Variants in UBXN2A observed in about 807,000 individuals in gnomAD.
UBXN2A encodes UBX domain protein 2A, also known as UBX domain-containing protein 2A.
In UBXN2A, 28 loss-of-function variants were observed where a neutral mutation model predicts 28.4. The ratio of observed to expected loss-of-function variants is 0.99; its 90% CI spans 0.73 to 1.35. The LOEUF (loss-of-function observed/expected upper bound fraction) is 1.35, where lower values mean the gene tolerates loss of function less well. Ranked by LOEUF, UBXN2A falls within the 40% of genes most tolerant of loss-of-function variation. The probability of loss-of-function intolerance (pLI) is 0.00; values close to 1 mark genes in which losing one functional copy is unlikely to be tolerated. For missense variants in UBXN2A, 253 were observed against 297.9 expected (o/e 0.85, Z 1.11); for synonymous variants, 97 against 103.6 (o/e 0.94, Z 0.39).
intron 6 of UBXN2A, among the ~76,000 whole-genome samples, chr2:23,989,105 C>T (rs765676862): frequency 2.6e-5 from 4 of 151,986 alleles, no homozygotes; most frequent in Non-Finnish European, 5.9e-5. Context: ...TGTTTGTGTG[C>T]ACACGCACAC....
chr2:23,948,254 C>CTTTTTT (rs60805838), intron 1 of UBXN2A, among the ~76,000 whole-genome samples: 77 of 129,128 alleles, frequency 6.0e-4, no homozygotes, highest in East Asian at 1.4e-3. Flanking sequence ...TTTTCTTTTT[C>CTTTTTT]TTTTTTTTTT....
chr2:23,932,831 C>T (rs922970310), intron 1 of UBXN2A, among the ~76,000 whole-genome samples: 1 of 152,144 alleles, frequency 6.6e-6, no homozygotes, highest in South Asian at 2.1e-4. Flanking sequence ...GACAACCAGG[C>T]GCGGTGGCTC....
At chr2:23,933,104 CAAAA>C (rs1312223062) in intron 1 of UBXN2A, among the ~76,000 whole-genome samples, 8 of 149,606 alleles carry the variant, frequency 5.3e-5, no homozygotes, top group African/African-American at 2.0e-4. Flanking sequence ...GACTCCATCT[CAAAA>C]AAATAAAATT....
intron 1 of UBXN2A, among the ~76,000 whole-genome samples, chr2:23,945,902 C>A (rs1706053886): frequency 6.6e-6 from 1 of 151,204 alleles, no homozygotes; most frequent in African/African-American, 2.4e-5. Context: ...ATGATCTCAG[C>A]TCACTGCAAC....
At chr2:23,953,613 C>T (rs1056473075) in intron 1 of UBXN2A, among the ~76,000 whole-genome samples, 2 of 151,990 alleles carry the variant, frequency 1.3e-5, no homozygotes, top group Non-Finnish European at 2.9e-5. Context: ...AAATCAAAAT[C>T]GAAATATGGT....
In UBXN2A at chr2:23,977,063, C is replaced by T; in HGVS notation, c.275C>T (p.Ser92Phe). Residue 92 changes from serine to phenylalanine, a missense_variant, in exon 4 of 7, where the codon TCC (serine) becomes TTC (phenylalanine). Coordinates refer to ENST00000309033, the MANE Select transcript of UBXN2A (RefSeq NM_181713.4). The part of the protein sequence containing the change: ...SDGASQQFLN[S>F]IKKGELPSEL... ...GGTGCCAGTCAGCAGTTTTTGAACT[C>T]CATCAAAAAGGGGTGAGTAGCCAGG... 1 of 1,611,534 alleles carries T rather than the reference C, an allele frequency of 6.2e-7. No individual in the cohort carries two copies. The highest frequency in any genetic ancestry group is 1.1e-5 in the South Asian group (1 of 90,902).
At chr2:23,984,943 C>A in intron 6 of UBXN2A, 112 bp downstream of exon 6, 1 of 1,228,442 alleles carries the variant, frequency 8.1e-7, no homozygotes, top group Non-Finnish European at 1.1e-6. Flanking sequence ...TCTTTGTTGC[C>A]CAGGCCAGAG....
chr2:23,961,127 C>T (rs1706884322), intron 2 of UBXN2A, among the ~76,000 whole-genome samples: 1 of 150,884 alleles, frequency 6.6e-6, no homozygotes, highest in African/African-American at 2.4e-5. Context: ...CGGAGTTTTG[C>T]TCTTGTCACC....
At chr2:23,987,114 G>C (rs574272706) in intron 6 of UBXN2A, among the ~76,000 whole-genome samples, 2 of 151,726 alleles carry the variant, frequency 1.3e-5, no homozygotes, top group South Asian at 4.2e-4. Context: ...AAAAAAGTTT[G>C]TTTTGTTTTA....
intron 6 of UBXN2A, among the ~76,000 whole-genome samples, chr2:23,987,775 C>A (rs1213424986): frequency 4.8e-5 from 3 of 62,308 alleles, no homozygotes; most frequent in South Asian, 7.7e-4. Context: ...GAGACTCCAT[C>A]TCAAAAAAAA....
chr2:23,992,274 T>G (rs1387823398), intron 6 of UBXN2A, among the ~76,000 whole-genome samples: 1 of 151,934 alleles, frequency 6.6e-6, no homozygotes, highest in Non-Finnish European at 1.5e-5. Flanking sequence ...CCAGCCTAAT[T>G]TTGGTATTTT....
intron 3 of UBXN2A, among the ~76,000 whole-genome samples, chr2:23,973,461 C>T (rs1399675265): frequency 6.6e-6 from 1 of 151,846 alleles, no homozygotes; most frequent in Non-Finnish European, 1.5e-5. Context: ...GCCTCAGCCT[C>T]CCGAGTAGCC....
In UBXN2A at chr2:24,001,927, C is replaced by G. The variant is rs1186175621; in HGVS notation, c.*2060C>G. The G allele has an allele frequency of 6.6e-6, 1 of 151,444 alleles. No individual in the cohort carries two copies. Among genetic ancestry groups the G allele is most frequent in the Non-Finnish European group, 1.5e-5 (1 of 67,898 alleles). The allele number at this position is 151,444 out of a possible 1,614,324, so 9.4% of individuals were successfully genotyped here. A position where few individuals can be genotyped will look rare whatever the true frequency, so the allele number is the denominator to read the frequency against. ...AGTGAGCCGAGATTGCGCCCCTGCA[C>G]TCCAGCCTGGTGACGGAGCGAGACT... is the stretch of plus-strand genomic sequence containing the variant. On this transcript the variant is annotated 3_prime_UTR_variant, in exon 7 of 7. Coordinates refer to ENST00000309033, the MANE Select transcript of UBXN2A (RefSeq NM_181713.4).
intron 1 of UBXN2A, among the ~76,000 whole-genome samples, chr2:23,948,602 G>A (rs1427626506): frequency 6.6e-6 from 1 of 152,154 alleles, no homozygotes; most frequent in Admixed American, 6.6e-5. Flanking sequence ...AGAAAAAGGA[G>A]TATAACACTG....
intron 1 of UBXN2A, among the ~76,000 whole-genome samples, chr2:23,952,591 C>T (rs1395946344): frequency 2.0e-5 from 3 of 152,040 alleles, no homozygotes; most frequent in East Asian, 1.9e-4. Context: ...ATTACAGGTG[C>T]GTGCTACCAC....
chr2:23,964,551 A>G (rs1415978337), intron 2 of UBXN2A, among the ~76,000 whole-genome samples: 1 of 152,198 alleles, frequency 6.6e-6, no homozygotes, highest in Non-Finnish European at 1.5e-5. Context: ...GTATGCAACA[A>G]CATAGATGAA....
In UBXN2A at chr2:24,002,350, A is replaced by G. The variant is rs890415360; in HGVS notation, c.*2483A>G. The G allele has an allele frequency of 6.6e-5, 10 of 152,202 alleles. No individual in the cohort carries two copies. The highest frequency in any genetic ancestry group is 2.4e-4 in the African/African-American group (10 of 41,410). The allele number at this position is 152,202 out of a possible 1,614,324, so 9.4% of individuals were successfully genotyped here. ...AACTCAGGAGGCAGAGGTTGCAGTG[A>G]GCCGAGATTGCGCCACTGCACTCTA... On this transcript the variant is annotated 3_prime_UTR_variant, in exon 7 of 7. Transcript: ENST00000309033.
At chr2:23,935,029 C>G (rs1364146340) in intron 1 of UBXN2A, among the ~76,000 whole-genome samples, 1 of 151,962 alleles carries the variant, frequency 6.6e-6, no homozygotes, top group African/African-American at 2.4e-5. Flanking sequence ...GAGCCGAGAT[C>G]GCACCACTGC....
intron 6 of UBXN2A, among the ~76,000 whole-genome samples, chr2:23,992,873 C>T (rs1708402635): frequency 6.6e-6 from 1 of 152,152 alleles, no homozygotes; most frequent in East Asian, 1.9e-4. Context: ...GTATTTAAAA[C>T]TATCTCTTGT....
Sources: gnomAD v4.1 joint callset for allele counts (sites outside exome capture counted in the v4.1 genomes callset) on GRCh38, gnomAD v4.1.1 for gene constraint, MANE v1.5 for transcripts, NCBI Gene and HGNC (gene_info 2026-07-23, HGNC 2026-07-21) for gene names.